NEK11: variants seen among roughly 807,000 people sequenced by gnomAD.
NEK11 encodes serine/threonine-protein kinase Nek11.
In NEK11, 72 loss-of-function variants were observed where a neutral mutation model predicts 80.7. The ratio of observed to expected loss-of-function variants is 0.89; its 90% CI spans 0.74 to 1.08. The LOEUF (loss-of-function observed/expected upper bound fraction) is 1.08, where lower values mean the gene tolerates loss of function less well. Among genes scored for constraint, NEK11 ranks in the 50% least tolerant of loss-of-function variants. NEK11 has a pLI of 0.00. For synonymous variants in NEK11, 251 were observed against 260.7 expected (o/e 0.96, Z 0.36); for missense variants, 764 against 763.6 (o/e 1.00, Z -0.01).
intron 17 of NEK11, among the ~76,000 whole-genome samples, chr3:131,307,419 A>AAATC (rs1276779229): frequency 6.6e-6 from 1 of 152,242 alleles, no homozygotes; most frequent in African/African-American, 2.4e-5. Context: ...AAGGATTTGA[A>AAATC]AATCAAGTTG....
chr3:131,155,129 A>G lies in NEK11; in HGVS notation c.962+8A>G. 1 of 1,583,492 alleles carries G rather than the reference A, an allele frequency of 6.3e-7. No individual in the cohort carries two copies. Among genetic ancestry groups the G allele is most frequent in the Non-Finnish European group, 8.7e-7 (1 of 1,152,666 alleles). On this transcript the variant is annotated splice_region_variant and intron_variant, in intron 10 of 17. Coordinates refer to ENST00000383366, the MANE Select transcript of NEK11 (RefSeq NM_024800.5). ...TCATATAATTAATGCCATGTAAGTA[A>G]TTGCTTTGTTTTTAAAAAGCCCATC... is the stretch of plus-strand genomic sequence containing the variant.
intron 16 of NEK11, among the ~76,000 whole-genome samples, chr3:131,246,480 G>A (rs2095604882): frequency 6.6e-6 from 1 of 152,134 alleles, no homozygotes; most frequent in Non-Finnish European, 1.5e-5. Context: ...TGTACCACAT[G>A]TGTATGTGTA....
intron 16 of NEK11, among the ~76,000 whole-genome samples, chr3:131,272,962 T>C (rs1192137003): frequency 6.6e-6 from 1 of 152,228 alleles, no homozygotes; most frequent in Non-Finnish European, 1.5e-5. Context: ...TTTGGCCTTC[T>C]GCTCCATTCT....
intron 17 of NEK11, among the ~76,000 whole-genome samples, chr3:131,315,967 C>T (rs2096835068): frequency 6.6e-6 from 1 of 151,930 alleles, no homozygotes; most frequent in Non-Finnish European, 1.5e-5. Context: ...TGATGGTATG[C>T]TTTTATTTTT....
intron 5 of NEK11, among the ~76,000 whole-genome samples, chr3:131,112,076 C>T (rs1259883887): frequency 6.6e-6 from 1 of 152,066 alleles, no homozygotes; most frequent in African/African-American, 2.4e-5. Flanking sequence ...TAATTCTATT[C>T]CTAAGGGTAG....
At chr3:131,318,899 T>C (rs1425440955) in intron 17 of NEK11, among the ~76,000 whole-genome samples, 1 of 151,892 alleles carries the variant, frequency 6.6e-6, no homozygotes, top group Non-Finnish European at 1.5e-5. Context: ...AAGCAGGACA[T>C]TAATATCATT....
intron 3 of NEK11, among the ~76,000 whole-genome samples, chr3:131,052,137 T>A (rs1045562088): frequency 1.3e-5 from 2 of 149,664 alleles, no homozygotes; most frequent in African/African-American, 4.9e-5. Context: ...TTTTTTTGTT[T>A]TTTTTTTTTT....
chr3:131,033,351 A>C lies in NEK11; in HGVS notation c.170+3473A>C, dbSNP rs561178890. Reference sequence around the variant, plus strand: ...TAATGTTAGAGGTGGCTAGAAGATGAATACTTTATACAGACTTCTATAATG... The same window carrying C: ...TAATGTTAGAGGTGGCTAGAAGATGCATACTTTATACAGACTTCTATAATG... On this transcript the variant is annotated intron_variant, in intron 3 of 17. Transcript: ENST00000383366. 1.1e-4 allele frequency among the ~76,000 whole-genome samples: 16 copies of C among 152,304 alleles called. No individual in the cohort carries two copies. The South Asian group carries it at 1.9e-3, about 18-fold the overall frequency.
In NEK11 at chr3:131,203,117, G is replaced by A. The variant is rs1580099945; in HGVS notation, c.1400-25411G>A. ...GGATTATACATCATGCTACTATAAAGACGCATGCACTTGTATGTTTATTGT... is the reference window on the plus strand; with the variant it reads ...GGATTATACATCATGCTACTATAAAAACGCATGCACTTGTATGTTTATTGT... On this transcript the variant is annotated intron_variant, in intron 14 of 17. Transcript: ENST00000383366. Among the ~76,000 whole-genome samples the A allele has an allele frequency of 2.0e-5, 3 of 152,226 alleles. No individual in the cohort carries two copies. The East Asian group carries it at 5.8e-4, about 29-fold the overall frequency.
At chr3:131,316,604 G>A (rs2096842749) in intron 17 of NEK11, among the ~76,000 whole-genome samples, 1 of 152,108 alleles carries the variant, frequency 6.6e-6, no homozygotes, top group African/African-American at 2.4e-5. Context: ...CCTGTATTTT[G>A]ATTATGTGTG....
chr3:131,243,559 G>A (rs1309644024), intron 16 of NEK11, 63 bp downstream of exon 16: 1 of 1,388,650 alleles, frequency 7.2e-7, no homozygotes, highest in Non-Finnish European at 1.0e-6. Flanking sequence ...GGAATAACTT[G>A]GAAGAAATCT....
At chr3:131,258,094 C>T (rs1007726093) in intron 16 of NEK11, among the ~76,000 whole-genome samples, 6 of 150,534 alleles carry the variant, frequency 4.0e-5, no homozygotes, top group Non-Finnish European at 7.4e-5. Context: ...CATATGTTCT[C>T]ACTTATAAGT....
At chr3:131,035,723 A>G (rs992962501) in intron 3 of NEK11, among the ~76,000 whole-genome samples, 2 of 152,228 alleles carry the variant, frequency 1.3e-5, no homozygotes, top group Non-Finnish European at 2.9e-5. Context: ...TTCTGGTAGA[A>G]GTTCTGGAGA....
In NEK11 at chr3:131,343,875, A is replaced by T. The variant is rs555056432; in HGVS notation, c.1719-5682A>T. ...TCCCTCCTAGGCCTCTGGGCCTGTC[A>T]TGGGAGGGGCTGCCATGAATATCAC... On this transcript the variant is annotated intron_variant, in intron 17 of 17. Coordinates refer to ENST00000383366, the MANE Select transcript of NEK11 (RefSeq NM_024800.5). 5.3e-5 allele frequency among the ~76,000 whole-genome samples: 8 copies of T among 152,290 alleles called. No individual in the cohort carries two copies. The East Asian group carries it at 1.5e-3, about 29-fold the overall frequency.
At chr3:131,165,835 T>C (rs2092165645) in intron 12 of NEK11, among the ~76,000 whole-genome samples, 1 of 152,270 alleles carries the variant, frequency 6.6e-6, no homozygotes. Context: ...GTATATCTAA[T>C]TTTTAATTCC....
At chr3:131,122,626 C>T (rs1213469970) in intron 5 of NEK11, among the ~76,000 whole-genome samples, 3 of 152,216 alleles carry the variant, frequency 2.0e-5, no homozygotes, top group African/African-American at 7.2e-5. Context: ...TTGTGATCCA[C>T]CCTGAGAACC....
At chr3:131,235,290 C>T (rs576226062) in intron 15 of NEK11, among the ~76,000 whole-genome samples, 1 of 152,292 alleles carries the variant, frequency 6.6e-6, no homozygotes, top group East Asian at 1.9e-4. Context: ...TCTTCTCCCT[C>T]CACTACCCTA....
chr3:131,267,677 TG>T (rs1442691356), intron 16 of NEK11, among the ~76,000 whole-genome samples: 1 of 152,088 alleles, frequency 6.6e-6, no homozygotes, highest in East Asian at 1.9e-4. Flanking sequence ...GTGGGTAACC[TG>T]ACCTTTCTCT....
In NEK11 at chr3:131,350,087, G is replaced by T. The variant is rs1000348922; in HGVS notation, c.*311G>T. ...GGATTGAGTCACCCTGACGATGACC[G>T]GGGAGAAGCCGTGTGCTCTTCATTA... On this transcript the variant is annotated 3_prime_UTR_variant, in exon 18 of 18. Coordinates refer to ENST00000383366, the MANE Select transcript of NEK11 (RefSeq NM_024800.5). The T allele has an allele frequency of 6.6e-6, 2 of 301,982 alleles. No homozygotes were observed. The highest frequency in any genetic ancestry group is 2.2e-5 in the African/African-American group (1 of 45,512). The allele number at this position is 301,982 out of a possible 1,614,324, so 18.7% of individuals were successfully genotyped here. A position where few individuals can be genotyped will look rare whatever the true frequency, so the allele number is the denominator to read the frequency against.
Sources: gnomAD v4.1 joint callset for allele counts (sites outside exome capture counted in the v4.1 genomes callset) on GRCh38, gnomAD v4.1.1 for gene constraint, MANE v1.5 for transcripts, NCBI Gene and HGNC (gene_info 2026-07-23, HGNC 2026-07-21) for gene names.